CDH17: variants seen among roughly 807,000 people sequenced by gnomAD.
The protein encoded by CDH17 is cadherin 17.
CDH17 carries 67 observed loss-of-function variants against 86.3 expected under a neutral mutation model. That is an observed-to-expected ratio of 0.78 (90% CI 0.64 to 0.95). CDH17 has a LOEUF of 0.95. Ranked by LOEUF, CDH17 falls within the 40% of genes least tolerant of loss-of-function variation. CDH17 has a pLI of 0.00. For missense variants in CDH17, 993 were observed against 1,017.6 expected (o/e 0.98, Z 0.33); for synonymous variants, 367 against 366.4 (o/e 1.00, Z -0.02).
intron 2 of CDH17, among the ~76,000 whole-genome samples, chr8:94,192,802 C>T (rs1813711658): frequency 1.3e-5 from 2 of 152,226 alleles, no homozygotes; most frequent in Admixed American, 6.5e-5. Flanking sequence ...CACTTATTTA[C>T]TCTCTCTTTG....
At chr8:94,144,613 A>T (rs1358032503) in intron 15 of CDH17, among the ~76,000 whole-genome samples, 1 of 152,314 alleles carries the variant, frequency 6.6e-6, no homozygotes, top group Non-Finnish European at 1.5e-5. Context: ...TAGGGACCCT[A>T]AGTTTGGCAA....
intron 3 of CDH17, among the ~76,000 whole-genome samples, chr8:94,182,537 G>A (rs931932146): frequency 6.6e-6 from 1 of 152,146 alleles, no homozygotes; most frequent in East Asian, 1.9e-4. Context: ...TTCAATAGAG[G>A]CAGCAAATCA....
Position 94,127,685 on chromosome 8 carries a change from A to AAATGTACAGAATATTTAATGAGTC in CDH17, c.*531_*554dup, listed in dbSNP as rs1419787809. ...CTGATATATCTCCTTGATAAAGAAA[A>AAATGTACAGAATATTTAATGAGTC]AATGTACAGAATATTTAATGAGTCT... is the stretch of plus-strand genomic sequence containing the variant. On this transcript the variant is annotated 3_prime_UTR_variant, in exon 18 of 18. Coordinates refer to ENST00000027335, the MANE Select transcript of CDH17 (RefSeq NM_004063.4). The AAATGTACAGAATATTTAATGAGTC allele has an allele frequency of 6.6e-6, 1 of 152,378 alleles. No homozygotes were observed. Among genetic ancestry groups the AAATGTACAGAATATTTAATGAGTC allele is most frequent in the African/African-American group, 2.4e-5 (1 of 41,460 alleles). The allele number at this position is 152,378 out of a possible 1,614,324, so 9.4% of individuals were successfully genotyped here. A position where few individuals can be genotyped will look rare whatever the true frequency, so the allele number is the denominator to read the frequency against.
chr8:94,196,079 A>T (rs773260757), intron 1 of CDH17, among the ~76,000 whole-genome samples: 2 of 152,140 alleles, frequency 1.3e-5, no homozygotes, highest in Non-Finnish European at 2.9e-5. Flanking sequence ...AAATTTTTTC[A>T]ATGTATTTAT....
chr8:94,199,038 G>GATATAT (rs869128612), intron 1 of CDH17, among the ~76,000 whole-genome samples: 38 of 73,324 alleles, frequency 5.2e-4, no homozygotes, highest in African/African-American at 2.0e-3. Context: ...AGTTCTGATT[G>GATATAT]ATATATATAT....
intron 10 of CDH17, among the ~76,000 whole-genome samples, chr8:94,164,740 C>T (rs1321027214): frequency 6.6e-6 from 1 of 152,156 alleles, no homozygotes; most frequent in Non-Finnish European, 1.5e-5. Flanking sequence ...ATATGGTAAT[C>T]GAAGATTAGT....
At chr8:94,206,964 G>C (rs889332206) in intron 1 of CDH17, among the ~76,000 whole-genome samples, 4 of 152,050 alleles carry the variant, frequency 2.6e-5, no homozygotes, top group Admixed American at 1.3e-4. Context: ...CCTTTTGTAT[G>C]AGAAAGGAGG....
intron 1 of CDH17, chr8:94,203,091 A>G (rs1813953226): frequency 5.9e-6 from 1 of 170,584 alleles, no homozygotes; most frequent in Non-Finnish European, 1.2e-5. Flanking sequence ...CGCTCTTGTC[A>G]TTTACCCATT....
At chr8:94,155,198 C>T (rs977157023) in intron 12 of CDH17, among the ~76,000 whole-genome samples, 1 of 151,956 alleles carries the variant, frequency 6.6e-6, no homozygotes, top group African/African-American at 2.4e-5. Flanking sequence ...TCGTCGACCT[C>T]GTGACGTGGT....
intron 15 of CDH17, among the ~76,000 whole-genome samples, chr8:94,144,213 G>C (rs916471536): frequency 6.6e-6 from 1 of 152,188 alleles, no homozygotes; most frequent in African/African-American, 2.4e-5. Context: ...GAAACAGCCA[G>C]TCTGTGGAGC....
At chr8:94,176,937 A>G (rs1813385631) in intron 4 of CDH17, among the ~76,000 whole-genome samples, 3 of 152,222 alleles carry the variant, frequency 2.0e-5, no homozygotes, top group African/African-American at 7.2e-5. Context: ...GCTGAAGTCC[A>G]TGAAACAAGA....
At chr8:94,199,754 T>C (rs1813868715) in intron 1 of CDH17, among the ~76,000 whole-genome samples, 1 of 152,180 alleles carries the variant, frequency 6.6e-6, no homozygotes, top group African/African-American at 2.4e-5. Flanking sequence ...TACCACACCA[T>C]GCGGTTGTTA....
intron 1 of CDH17, among the ~76,000 whole-genome samples, chr8:94,208,073 T>C (rs922545125): frequency 2.6e-5 from 4 of 152,216 alleles, no homozygotes; most frequent in Non-Finnish European, 5.9e-5. Flanking sequence ...TAGAATGACA[T>C]GCTTTTTGAG....
rs1812328368 is a variant in CDH17, at chr8:94,127,672, C to A, written c.*568G>T. 6.6e-6 allele frequency: 1 copy of A among 152,266 alleles called. No individual in the cohort carries two copies. Among genetic ancestry groups the A allele is most frequent in the Non-Finnish European group, 1.5e-5 (1 of 68,148 alleles). 9.4% of individuals were successfully genotyped at this position (152,266 alleles called of 1,614,324 possible). Reference sequence around the variant, plus strand: ...CTATGAGACAACACTGATATATCTCCTTGATAAAGAAAAAATGTACAGAAT... The same window carrying A: ...CTATGAGACAACACTGATATATCTCATTGATAAAGAAAAAATGTACAGAAT... On this transcript the variant is annotated 3_prime_UTR_variant, in exon 18 of 18. Transcript: ENST00000027335.
upstream of CDH17, among the ~76,000 whole-genome samples, chr8:94,211,151 A>G (rs1417806094): frequency 6.6e-6 from 1 of 152,084 alleles, no homozygotes; most frequent in Non-Finnish European, 1.5e-5. Context: ...CATTCCTCCA[A>G]TATTATCCCT....
chr8:94,141,608 T>A (rs1030058601), intron 15 of CDH17, among the ~76,000 whole-genome samples: 9 of 152,164 alleles, frequency 5.9e-5, no homozygotes, highest in Non-Finnish European at 1.0e-4. Flanking sequence ...ATCATTATAT[T>A]CCTATATCTA....
chr8:94,159,888 C>G, intron 12 of CDH17, 83 bp downstream of exon 12: 1 of 1,041,160 alleles, frequency 9.6e-7, no homozygotes, highest in East Asian at 2.6e-5. Context: ...AATACATCAC[C>G]TCTGCTTATA....
rs57894296 is a variant in CDH17, at chr8:94,135,557, C to A, written c.2168-4565G>T. 7.4e-4 allele frequency among the ~76,000 whole-genome samples: 112 copies of A among 152,252 alleles called. 1 individual carries two copies. The East Asian group carries it at 0.019, about 25-fold the overall frequency. On this transcript the variant is annotated intron_variant, in intron 15 of 17. Coordinates refer to ENST00000027335, the MANE Select transcript of CDH17 (RefSeq NM_004063.4). ...TTTTGAGTCTATGTGTTTCTCTGCA[C>A]GTGAGATGGGTCTCCCAACAGCACA... is the stretch of plus-strand genomic sequence containing the variant.
At chr8:94,208,970 G>T (rs1398980883), upstream of CDH17, among the ~76,000 whole-genome samples, 3 of 152,102 alleles carry the variant, frequency 2.0e-5, no homozygotes, top group South Asian at 6.2e-4. Flanking sequence ...GAGCAGGGGC[G>T]CCATGTCTGA....
Sources: gnomAD v4.1 joint callset for allele counts (sites outside exome capture counted in the v4.1 genomes callset) on GRCh38, gnomAD v4.1.1 for gene constraint, MANE v1.5 for transcripts, NCBI Gene and HGNC (gene_info 2026-07-23, HGNC 2026-07-21) for gene names.